SYNJ2BP: variants seen among roughly 807,000 people sequenced by gnomAD.
SYNJ2BP encodes the protein synaptojanin 2 binding protein.
A neutral mutation model predicts 16.9 loss-of-function variants in SYNJ2BP; 10 were observed. The observed-to-expected ratio is 0.59, with a 90% confidence interval of 0.36 to 1.00. The LOEUF (loss-of-function observed/expected upper bound fraction) is 1.00. Among genes scored for constraint, SYNJ2BP ranks in the 50% least tolerant of loss-of-function variants. SYNJ2BP has a pLI of 0.01. For missense variants in SYNJ2BP, 162 were observed against 186.7 expected, an observed-to-expected ratio of 0.87 and a Z score of 0.77; for synonymous variants, 54 against 68.4, an observed-to-expected ratio of 0.79 and a Z score of 1.04.
chr14:70,373,852 C>A (rs188763766), intron 3 of SYNJ2BP, among the ~76,000 whole-genome samples: 2 of 152,316 alleles, frequency 1.3e-5, no homozygotes, highest in African/African-American at 4.8e-5. Flanking sequence ...GGTAGCTCTT[C>A]TTAATATCAA....
chr14:70,384,074 G>A (rs1020669459), intron 2 of SYNJ2BP, among the ~76,000 whole-genome samples: 1 of 151,654 alleles, frequency 6.6e-6, no homozygotes, highest in Non-Finnish European at 1.5e-5. Flanking sequence ...GAAACTACAT[G>A]ATAAACCATG....
intron 1 of SYNJ2BP, among the ~76,000 whole-genome samples, chr14:70,403,308 A>C (rs1224948031): frequency 6.6e-6 from 1 of 152,230 alleles, no homozygotes; most frequent in African/African-American, 2.4e-5. Context: ...ATACTTCACT[A>C]CCAAAATACA....
intron 2 of SYNJ2BP, among the ~76,000 whole-genome samples, chr14:70,376,682 T>C (rs1196706493): frequency 6.6e-6 from 1 of 152,252 alleles, no homozygotes; most frequent in East Asian, 1.9e-4. Flanking sequence ...CCCTATGAGG[T>C]AGACATTATT....
chr14:70,391,922 A>C (rs1887989235), intron 1 of SYNJ2BP, among the ~76,000 whole-genome samples: 1 of 152,246 alleles, frequency 6.6e-6, no homozygotes. Context: ...CAGAATATTT[A>C]CAGAACTGGG....
chr14:70,378,788 T>A (rs991620128), intron 2 of SYNJ2BP, among the ~76,000 whole-genome samples: 1 of 152,068 alleles, frequency 6.6e-6, no homozygotes, highest in Admixed American at 6.5e-5. Context: ...AGAGAAAAAA[T>A]TAAGCTGCAA....
At chr14:70,392,969 T>C (rs1434213396) in intron 1 of SYNJ2BP, among the ~76,000 whole-genome samples, 1 of 152,042 alleles carries the variant, frequency 6.6e-6, no homozygotes. Context: ...ACAAATGGGA[T>C]CAATTAAAGA....
At chr14:70,383,391 G>A (rs1341982824) in intron 2 of SYNJ2BP, among the ~76,000 whole-genome samples, 1 of 152,180 alleles carries the variant, frequency 6.6e-6, no homozygotes, top group Admixed American at 6.5e-5. Context: ...TTGGCACAGT[G>A]CTCTGAAGGC....
chr14:70,389,019 C>T (rs566203609), intron 1 of SYNJ2BP, among the ~76,000 whole-genome samples: 42 of 151,192 alleles, frequency 2.8e-4, no homozygotes, highest in African/African-American at 1.0e-3. Flanking sequence ...GTTGCCCAGG[C>T]TGGTTATGAG....
chr14:70,407,793 C>A (rs868826170), intron 1 of SYNJ2BP, among the ~76,000 whole-genome samples: 11 of 152,272 alleles, frequency 7.2e-5, no homozygotes, highest in South Asian at 6.2e-4. Flanking sequence ...CCCTATCATC[C>A]CCGCCCACAG....
At chr14:70,401,644 CT>C (rs1888240333) in intron 1 of SYNJ2BP, among the ~76,000 whole-genome samples, 1 of 150,768 alleles carries the variant, frequency 6.6e-6, no homozygotes, top group African/African-American at 2.4e-5. Context: ...TAAAACTTCA[CT>C]GGCCTTTTAC....
rs1452734397 is a variant in SYNJ2BP at position 70,375,730 on chromosome 14, A to G, written c.243T>C (p.Ala81=). 6.2e-7 allele frequency: 1 copy of G among 1,614,168 alleles called. No individual in the cohort carries two copies. The highest frequency in any genetic ancestry group is 8.5e-7 in the Non-Finnish European group (1 of 1,180,002). Residue 81 remains alanine (A), a synonymous_variant, in exon 3 of 4, where the codon GCT becomes GCC. Transcript: ENST00000256366. ...QDLKNLLHQD[A]VDLFRNAGYA... ...AGCCTGCATTACGAAAGAGGTCTAC[A>G]GCATCCTGGTGCAGCAGGTTCTTTA...
intron 1 of SYNJ2BP, among the ~76,000 whole-genome samples, chr14:70,389,373 C>CTTT (rs752623860): frequency 0.023 from 2,162 of 94,822 alleles, 99 homozygotes; most frequent in African/African-American, 0.063. Context: ...TTGAGAGTTT[C>CTTT]TTTTTTTTTT....
rs141726314 is a variant in SYNJ2BP at position 70,385,601 on chromosome 14, G to A, written c.201+2869C>T. On this transcript the variant is annotated intron_variant, in intron 2 of 3. Coordinates refer to ENST00000256366, the MANE Select transcript of SYNJ2BP (RefSeq NM_018373.3). ...TTGCCATGTTGGCCAGGCAGGTCTT[G>A]AACTCCTGCCCTGAAGTGATCCACC... Among the ~76,000 whole-genome samples the A allele has an allele frequency of 1.8e-4, 28 of 151,912 alleles. No individual in the cohort carries two copies. The East Asian group carries it at 5.1e-3, about 27-fold the overall frequency.
At chr14:70,397,219 C>A (rs796233076) in intron 1 of SYNJ2BP, among the ~76,000 whole-genome samples, 19 of 152,132 alleles carry the variant, frequency 1.2e-4, no homozygotes, top group African/African-American at 4.3e-4. Context: ...TTTCCAAACA[C>A]CGTATGTTAA....
chr14:70,388,920 C>T (rs1384187697), intron 1 of SYNJ2BP, among the ~76,000 whole-genome samples: 17 of 148,552 alleles, frequency 1.1e-4, no homozygotes, highest in African/African-American at 3.0e-4. Context: ...GTTCGTTCTT[C>T]TTTTTCTTTT....
intron 1 of SYNJ2BP, among the ~76,000 whole-genome samples, chr14:70,405,147 A>G (rs1888320346): frequency 6.6e-6 from 1 of 152,150 alleles, no homozygotes; most frequent in South Asian, 2.1e-4. Context: ...AATCAAATCA[A>G]TCAATGATAG....
intron 1 of SYNJ2BP, among the ~76,000 whole-genome samples, chr14:70,412,609 A>ATATATATAT (rs1888509472): frequency 6.7e-6 from 1 of 149,276 alleles, no homozygotes; most frequent in African/African-American, 2.4e-5. Flanking sequence ...GTATATATAC[A>ATATATATAT]GTATATATAT....
chr14:70,406,800 C>T (rs777037627), intron 1 of SYNJ2BP, among the ~76,000 whole-genome samples: 2 of 152,092 alleles, frequency 1.3e-5, no homozygotes, highest in Non-Finnish European at 2.9e-5. Context: ...ACTTTCCAAC[C>T]CCCCACCTGA....
chr14:70,396,123 T>G (rs2140848982), intron 1 of SYNJ2BP, among the ~76,000 whole-genome samples: 1 of 149,310 alleles, frequency 6.7e-6, no homozygotes, highest in Non-Finnish European at 1.5e-5. Flanking sequence ...CTGCAATTCT[T>G]TTTTTTATTT....
Sources: allele counts gnomAD v4.1 joint callset (sites outside exome capture counted in the v4.1 genomes callset), GRCh38; gene constraint gnomAD v4.1.1; transcripts MANE v1.5; gene names NCBI Gene and HGNC (gene_info 2026-07-23, HGNC 2026-07-21).